The following NMRK1 variants were observed in gnomAD, a reference collection of about 807,000 sequenced individuals.
NMRK1 encodes the protein nicotinamide riboside kinase 1.
In NMRK1, 28 loss-of-function variants were observed where a neutral mutation model predicts 29.9. The ratio of observed to expected loss-of-function variants is 0.94; its 90% confidence interval spans 0.69 to 1.28. The LOEUF (loss-of-function observed/expected upper bound fraction) is 1.28, where lower values mean the gene tolerates loss of function less well. Among genes scored for constraint, NMRK1 ranks in the 50% most tolerant of loss-of-function variants. The pLI is 0.00. For synonymous variants in NMRK1, 58 were observed against 73.0 expected (o/e 0.79, Z 1.05); for missense variants, 218 against 233.1 (o/e 0.94, Z 0.42).
intron 4 of NMRK1, among the ~76,000 whole-genome samples, chr9:75,071,163 C>T (rs1019514903): frequency 1.3e-5 from 2 of 151,934 alleles, no homozygotes; most frequent in African/African-American, 2.4e-5. Flanking sequence ...TATTGTTCCA[C>T]ATTTTTATTC....
chr9:75,070,979 T>C (rs1823663896), intron 4 of NMRK1, among the ~76,000 whole-genome samples: 1 of 152,100 alleles, frequency 6.6e-6, no homozygotes, highest in African/African-American at 2.4e-5. Flanking sequence ...CTGTTCCTTC[T>C]CTATTTTTTT....
Position 75,069,780 on chromosome 9 carries a change from G to A in NMRK1, c.351C>T (p.Phe117=). The change falls in exon 6 of 9, where the codon TTC becomes TTT. Residue 117 remains phenylalanine, a synonymous_variant. Transcript: ENST00000361092. ...PLDTIWNRSY[F]LTIPYEECKR... The stretch of plus-strand genomic sequence containing the variant: ...TACATTCTTCATATGGAATAGTCAG[G>A]AAATAGCTTCTATTCCATATAGTGT... 4 of 1,612,394 alleles carry A rather than the reference G, an allele frequency of 2.5e-6. No individual in the cohort carries two copies. The highest frequency in any genetic ancestry group is 3.4e-6 in the Non-Finnish European group (4 of 1,179,082).
rs1824792226 is a variant in NMRK1, at chr9:75,088,067, T to G, written c.-95A>C. 6.5e-6 allele frequency: 1 copy of G among 152,914 alleles called. No individual in the cohort carries two copies. The highest frequency in any genetic ancestry group is 6.5e-5 in the Admixed American group (1 of 15,300). The allele number at this position is 152,914 out of a possible 1,614,324, so 9.5% of individuals were successfully genotyped here. On this transcript the variant is annotated 5_prime_UTR_variant, in exon 1 of 9. Coordinates refer to ENST00000361092, the MANE Select transcript of NMRK1 (RefSeq NM_017881.3). ...CAGAGGCGACAGCCAAGCGCGCGCC[T>G]GTACCCAGTGCGCCGCTACCCGCAG...
chr9:75,078,548 T>A, intron 2 of NMRK1: 1 of 1,280,002 alleles, frequency 7.8e-7, no homozygotes, highest in Non-Finnish European at 9.9e-7. Context: ...GATTCAGTCA[T>A]TTATTGAAAG....
intron 8 of NMRK1, among the ~76,000 whole-genome samples, chr9:75,062,411 T>C (rs1233877290): frequency 1.3e-5 from 2 of 152,242 alleles, no homozygotes; most frequent in Non-Finnish European, 2.9e-5. Context: ...GAACTAGACA[T>C]GTGACATGTT....
rs748698549 is a variant in NMRK1 at position 75,088,128 on chromosome 9, C to G, written c.-156G>C. The G allele has an allele frequency of 6.6e-6, 1 of 152,464 alleles. No homozygotes were observed. Among genetic ancestry groups the G allele is most frequent in the Non-Finnish European group, 1.5e-5 (1 of 68,308 alleles). The allele number at this position is 152,464 out of a possible 1,614,324, so 9.4% of individuals were successfully genotyped here. On this transcript the variant is annotated 5_prime_UTR_variant, in exon 1 of 9. Coordinates refer to ENST00000361092, the MANE Select transcript of NMRK1 (RefSeq NM_017881.3). ...GAGAGGCCCACAGCCCCTTTCCCCA[C>G]GCTCCTCCTGGGTTAGAGGGATGCC... is the stretch of plus-strand genomic sequence containing the variant.
intron 1 of NMRK1, among the ~76,000 whole-genome samples, chr9:75,085,118 C>T (rs12686730): frequency 0.09 from 13,747 of 152,158 alleles, 721 homozygotes; most frequent in South Asian, 0.17. Context: ...GAGTGATATC[C>T]TCACTTTACC....
rs189081765 is a variant in NMRK1, at chr9:75,085,994, G to A, written c.-36+2014C>T. ...ATTTCAAAAACAGTGTGGATGCACA[G>A]GGCAGCTTTAGGGGAGCTCCAAGTT... On this transcript the variant is annotated intron_variant, in intron 1 of 8. Coordinates refer to ENST00000361092, the MANE Select transcript of NMRK1 (RefSeq NM_017881.3). 1.1e-4 allele frequency among the ~76,000 whole-genome samples: 17 copies of A among 151,652 alleles called. No individual in the cohort carries two copies. The East Asian group carries it at 2.7e-3, about 24-fold the overall frequency.
chr9:75,073,020 A>G (rs1052525537), intron 4 of NMRK1, among the ~76,000 whole-genome samples: 4 of 152,164 alleles, frequency 2.6e-5, no homozygotes, highest in African/African-American at 9.7e-5. Flanking sequence ...GCGTCCCCCT[A>G]TGTTAAAGTC....
chr9:75,076,422 G>A (rs546948770), intron 4 of NMRK1, among the ~76,000 whole-genome samples: 46 of 152,130 alleles, frequency 3.0e-4, no homozygotes, highest in African/African-American at 9.4e-4. Context: ...CCAGAGACCC[G>A]GAAGGGGAGG....
rs922157428 is a variant in NMRK1, at chr9:75,082,894, CTG to C, written c.29+191_29+192del. 8.8e-6 allele frequency: 5 copies of C among 565,240 alleles called. No individual in the cohort carries two copies. The African/African-American group carries it at 9.5e-5, about 11-fold the overall frequency. 35.0% of individuals were successfully genotyped at this position (565,240 alleles called of 1,614,324 possible). A position where few individuals can be genotyped will look rare whatever the true frequency, so the allele number is the denominator to read the frequency against. On this transcript the variant is annotated intron_variant, in intron 2 of 8. Coordinates refer to ENST00000361092, the MANE Select transcript of NMRK1 (RefSeq NM_017881.3). The stretch of plus-strand genomic sequence containing the variant: ...GTGGTTGACTGACTCTTCTGTTTCT[CTG>C]TTTATAGAAAACTCTTCCATCTCTT...
intron 4 of NMRK1, 135 bp downstream of exon 4, chr9:75,077,024 C>T (rs1824029030): frequency 1.6e-6 from 1 of 614,530 alleles, no homozygotes; most frequent in African/African-American, 1.9e-5. Flanking sequence ...TTAAGACTGC[C>T]TTCACAGATA....
At chr9:75,080,513 G>T (rs1003971051) in intron 2 of NMRK1, among the ~76,000 whole-genome samples, 1 of 152,192 alleles carries the variant, frequency 6.6e-6, no homozygotes, top group East Asian at 1.9e-4. Flanking sequence ...TTAGCTGGGC[G>T]TGGTGGTGCA....
chr9:75,064,932 C>T (rs1415534873), intron 8 of NMRK1, among the ~76,000 whole-genome samples: 1 of 152,106 alleles, frequency 6.6e-6, no homozygotes, highest in Non-Finnish European at 1.5e-5. Flanking sequence ...CAGTTTTGTC[C>T]CTTAAGCATG....
intron 1 of NMRK1, among the ~76,000 whole-genome samples, chr9:75,084,316 A>G (rs1189747838): frequency 6.6e-6 from 1 of 152,196 alleles, no homozygotes; most frequent in African/African-American, 2.4e-5. Flanking sequence ...TCCAGTTTCT[A>G]TGATCTGTGT....
chr9:75,078,590 C>T, intron 2 of NMRK1: 1 of 1,243,804 alleles, frequency 8.0e-7, no homozygotes, highest in East Asian at 3.1e-5. Flanking sequence ...TGTCTGTGAA[C>T]ATAAGTCAGG....
chr9:75,074,046 T>C (rs934147982), intron 4 of NMRK1, among the ~76,000 whole-genome samples: 2 of 152,136 alleles, frequency 1.3e-5, no homozygotes, highest in South Asian at 2.1e-4. Flanking sequence ...TATGTCCTTA[T>C]ACATATCCTT....
chr9:75,068,055 G>A lies in NMRK1; in HGVS notation c.496+941C>T, dbSNP rs3758188. 1.3e-4 allele frequency among the ~76,000 whole-genome samples: 20 copies of A among 152,118 alleles called. No homozygotes were observed. In the East Asian group the frequency reaches 3.5e-3, roughly 26 times the overall value. On this transcript the variant is annotated intron_variant, in intron 7 of 8. Transcript: ENST00000361092. ...CACCTCAACCTCATTATGTGCAAAA[G>A]AGACATGCATTCCTCCCTTACAGGT...
chr9:75,073,599 C>T (rs988166591), intron 4 of NMRK1, among the ~76,000 whole-genome samples: 4 of 151,840 alleles, frequency 2.6e-5, no homozygotes, highest in African/African-American at 7.3e-5. Context: ...ATTAGTCAGG[C>T]GTGGTGGTGT....
Sources: gnomAD v4.1 joint callset for allele counts (sites outside exome capture counted in the v4.1 genomes callset) on GRCh38, gnomAD v4.1.1 for gene constraint, MANE v1.5 for transcripts, NCBI Gene and HGNC (gene_info 2026-07-23, HGNC 2026-07-21) for gene names.